The following MEGF6 variants were observed in gnomAD, a reference collection of about 807,000 sequenced individuals.
MEGF6 encodes multiple epidermal growth factor-like domains protein 6.
Under a neutral mutation model 207.1 loss-of-function variants are expected in MEGF6, and 184 were observed. The observed-to-expected ratio is 0.89, with a 90% confidence interval of 0.79 to 1.00. The LOEUF (loss-of-function observed/expected upper bound fraction) is 1.00. Ranked by LOEUF, MEGF6 falls within the 50% of genes least tolerant of loss-of-function variation. The pLI, the probability that MEGF6 is intolerant of heterozygous loss-of-function variation, is 0.00. For synonymous variants in MEGF6, 1,038 were observed against 910.0 expected, an observed-to-expected ratio of 1.14 and a Z score of -2.53; for missense variants, 2,282 against 2,202.9, an observed-to-expected ratio of 1.04 and a Z score of -0.72.
chr1:3,508,558 T>C lies in MEGF6; in HGVS notation c.1660A>G (p.Thr554Ala). 6.2e-7 allele frequency: 1 copy of C among 1,612,436 alleles called. No individual in the cohort carries two copies. The highest frequency in any genetic ancestry group is 8.5e-7 in the Non-Finnish European group (1 of 1,179,442). The change falls in exon 13 of 37, where the codon ACT becomes GCT. Residue 554 changes from threonine (T) to alanine (A), a missense_variant and splice_region_variant. Transcript: ENST00000356575. ...EGWTGLICNE[T>A]CPPDTFGKNC... is the part of the protein sequence containing the mutation. ...CCCAGCCCCTGCCCAGCTGCCTCAC[T>C]CTCATTGCAGATGAGCCCAGTCCAG...
rs201597464 is a variant in MEGF6, at chr1:3,494,593, C to T, written c.4000+20G>A. ...CCTCCCTGAGGGGATGCTGGGGTCC[C>T]GCTGGCCCCGCACACTCACCCAGCT... is the stretch of plus-strand genomic sequence containing the variant. On this transcript the variant is annotated intron_variant, in intron 31 of 36. Transcript: ENST00000356575. 3.5e-5 allele frequency: 55 copies of T among 1,559,080 alleles called. No individual in the cohort carries two copies. In the African/African-American group the frequency reaches 4.3e-4, roughly 12 times the overall value.
chr1:3,576,124 G>A (rs941771201), intron 4 of MEGF6, among the ~76,000 whole-genome samples: 25 of 152,260 alleles, frequency 1.6e-4, no homozygotes, highest in African/African-American at 5.1e-4. Context: ...CTGTGACTGC[G>A]CCGAGGCCTG....
At chr1:3,497,517 A>T (rs1253258271) in intron 26 of MEGF6, 156 bp from the exon 27 acceptor site, 1 of 1,046,160 alleles carries the variant, frequency 9.6e-7, no homozygotes, top group Admixed American at 2.6e-5. Flanking sequence ...GCCCCCCGCC[A>T]CCCCGGAGGG....
At chr1:3,501,958 C>T (rs367600632) in intron 17 of MEGF6, 37 bp from the exon 18 acceptor site, 93 of 1,561,708 alleles carry the variant, frequency 6.0e-5, no homozygotes, top group Middle Eastern at 1.7e-4. Context: ...AGCCGCACCA[C>T]GTGGAGTGGA....
At chr1:3,570,667 C>T (rs1462661837) in intron 4 of MEGF6, among the ~76,000 whole-genome samples, 1 of 152,146 alleles carries the variant, frequency 6.6e-6, no homozygotes, top group African/African-American at 2.4e-5. Context: ...CAAGAAAGAC[C>T]ACATGGGCCT....
At chr1:3,591,664 T>G (rs1001128059) in intron 3 of MEGF6, among the ~76,000 whole-genome samples, 1,513 of 140,712 alleles carry the variant, frequency 0.011, 17 homozygotes, top group South Asian at 0.032. Flanking sequence ...ACAAGGGACC[T>G]GATGGGGGCG....
At chr1:3,497,198 G>T in intron 27 of MEGF6, 35 bp downstream of exon 27, 1 of 1,531,296 alleles carries the variant, frequency 6.5e-7, no homozygotes, top group African/African-American at 1.4e-5. Context: ...CCCCTGCCCA[G>T]CCGCTCCTCG....
intron 4 of MEGF6, among the ~76,000 whole-genome samples, chr1:3,559,563 C>G (rs1333546024): frequency 2.0e-5 from 3 of 146,580 alleles, no homozygotes; most frequent in Admixed American, 6.8e-5. Flanking sequence ...AGTCTACTTG[C>G]AAACACTTGT....
At chr1:3,563,611 A>G (rs2101654670) in intron 4 of MEGF6, among the ~76,000 whole-genome samples, 1 of 152,322 alleles carries the variant, frequency 6.6e-6, no homozygotes, top group Admixed American at 6.5e-5. Flanking sequence ...ACATGGAGTG[A>G]GGAATGTTTC....
chr1:3,575,129 C>A (rs941261951), intron 4 of MEGF6, among the ~76,000 whole-genome samples: 3 of 152,220 alleles, frequency 2.0e-5, no homozygotes, highest in Non-Finnish European at 4.4e-5. Context: ...CTTTTTCTTG[C>A]TGGTCTTTTC....
chr1:3,509,187 G>A lies in MEGF6; in HGVS notation c.1416C>T (p.Pro472=). The A allele has an allele frequency of 6.3e-7, 1 of 1,575,246 alleles. No individual in the cohort carries two copies. Among genetic ancestry groups the A allele is most frequent in the Non-Finnish European group, 8.6e-7 (1 of 1,161,130 alleles). Residue 472 remains proline, a synonymous_variant, in exon 12 of 37, where the codon CCC becomes CCT. Transcript: ENST00000356575. ...DGELPFVRPL[P]HIAVLQDELP... ...GCTCGTCCTGGAGCACGGCAATGTG[G>A]GGCAGGGGCCGCACGAAAGGCAGCT...
At chr1:3,528,355 C>T (rs746000405) in intron 4 of MEGF6, among the ~76,000 whole-genome samples, 4 of 152,218 alleles carry the variant, frequency 2.6e-5, no homozygotes, top group East Asian at 1.9e-4. Flanking sequence ...TATTCCCAGA[C>T]GGCTCCAAGG....
At chr1:3,491,389 T>C (rs1055507909) in intron 35 of MEGF6, among the ~76,000 whole-genome samples, 12 of 152,052 alleles carry the variant, frequency 7.9e-5, no homozygotes, top group African/African-American at 2.9e-4. Context: ...GTACCACAGA[T>C]GACCACTAGA....
At chr1:3,551,279 G>A (rs529602680) in intron 4 of MEGF6, among the ~76,000 whole-genome samples, 53 of 152,340 alleles carry the variant, frequency 3.5e-4, no homozygotes, top group African/African-American at 1.2e-3. Flanking sequence ...CTGCTCCTGC[G>A]TGCAGACCCC....
chr1:3,539,851 C>T (rs776090525), intron 4 of MEGF6, among the ~76,000 whole-genome samples: 4 of 152,310 alleles, frequency 2.6e-5, no homozygotes, highest in East Asian at 3.9e-4. Context: ...TCCCAGGGTG[C>T]GCTGAGCTTT....
At chr1:3,550,642 G>A (rs1030762059) in intron 4 of MEGF6, among the ~76,000 whole-genome samples, 4 of 151,924 alleles carry the variant, frequency 2.6e-5, no homozygotes, top group Middle Eastern at 3.2e-3. Flanking sequence ...CAGGCCTCCG[G>A]GGTGCTCCGT....
chr1:3,558,965 G>A (rs993107547), intron 4 of MEGF6, among the ~76,000 whole-genome samples: 3 of 152,312 alleles, frequency 2.0e-5, no homozygotes, highest in East Asian at 3.9e-4. Context: ...GTTCAAGGCT[G>A]CAGTGAGCCA....
chr1:3,595,514 C>T (rs554936170), intron 2 of MEGF6, 67 bp from the exon 3 acceptor site: 1 of 1,344,288 alleles, frequency 7.4e-7, no homozygotes, highest in Non-Finnish European at 1.1e-6. Flanking sequence ...TCTCACTGCA[C>T]CCCTGGGGAG....
chr1:3,614,135 C>T (rs1411553929), upstream of MEGF6, among the ~76,000 whole-genome samples: 3 of 152,212 alleles, frequency 2.0e-5, no homozygotes, highest in Admixed American at 2.0e-4. Flanking sequence ...ACTGCGCTCG[C>T]TCGTCCATAG....
Sources: allele counts gnomAD v4.1 joint callset (sites outside exome capture counted in the v4.1 genomes callset), GRCh38; gene constraint gnomAD v4.1.1; transcripts MANE v1.5; gene names NCBI Gene and HGNC (gene_info 2026-07-23, HGNC 2026-07-21).